Variants in SAMD4A observed in about 807,000 individuals in gnomAD.
SAMD4A encodes the protein protein Smaug homolog 1.
In SAMD4A, 33 loss-of-function variants were observed where a neutral mutation model predicts 81.3. The ratio of observed to expected loss-of-function variants is 0.41; its 90% CI spans 0.31 to 0.54. The LOEUF (loss-of-function observed/expected upper bound fraction) is 0.54. Among genes scored for constraint, SAMD4A ranks in the 20% least tolerant of loss-of-function variants. The pLI is 0.37. For synonymous variants in SAMD4A, 389 were observed against 382.1 expected, an observed-to-expected ratio of 1.02 and a Z score of -0.21; for missense variants, 854 against 951.1, an observed-to-expected ratio of 0.90 and a Z score of 1.34.
chr14:54,681,149 G>A (rs907236789), intron 2 of SAMD4A, among the ~76,000 whole-genome samples: 1 of 152,098 alleles, frequency 6.6e-6, no homozygotes, highest in Admixed American at 6.5e-5. Flanking sequence ...TGGGAACCAG[G>A]AGTAAGGCTG....
At chr14:54,690,890 G>T (rs1049759020) in intron 2 of SAMD4A, among the ~76,000 whole-genome samples, 10 of 152,182 alleles carry the variant, frequency 6.6e-5, no homozygotes, top group African/African-American at 2.4e-4. Flanking sequence ...AGAGTTGAGG[G>T]AGGGCAGACA....
At chr14:54,656,714 A>G (rs1298360027) in intron 2 of SAMD4A, among the ~76,000 whole-genome samples, 1 of 152,092 alleles carries the variant, frequency 6.6e-6, no homozygotes, top group Non-Finnish European at 1.5e-5. Flanking sequence ...TGCAAGCTCC[A>G]TCTCCTGGGT....
intron 8 of SAMD4A, among the ~76,000 whole-genome samples, chr14:54,769,625 G>T (rs185173057): frequency 9.2e-5 from 14 of 152,264 alleles, no homozygotes; most frequent in Admixed American, 7.2e-4. Context: ...CTGAAACACA[G>T]AGAATATAGT....
At position 54,702,524 on chromosome 14, in the gene SAMD4A, ACTC is replaced by A. The variant is rs766120385; in HGVS notation, c.666_668del (p.Ser224del). ...TGTGAGAATGGCCATGTGCCCCTCT[ACTC>A]CTCCTCATCTGTCCCCACCACAATC... On this transcript the variant is annotated inframe_deletion, in exon 3 of 13. Transcript: ENST00000554335. 8 of 1,613,676 alleles carry A rather than the reference ACTC, an allele frequency of 5.0e-6. No individual in the cohort carries two copies. Among genetic ancestry groups the A allele is most frequent in the Admixed American group, 1.7e-5 (1 of 59,968 alleles).
chr14:54,757,428 T>TGTGTGTGTG (rs1555351334), intron 6 of SAMD4A, among the ~76,000 whole-genome samples: 1 of 133,820 alleles, frequency 7.5e-6, no homozygotes, highest in African/African-American at 2.8e-5. Context: ...TGTGTGTGTG[T>TGTGTGTGTG]TTTGTTTTGT....
intron 7 of SAMD4A, among the ~76,000 whole-genome samples, chr14:54,762,294 C>T (rs2038420170): frequency 1.3e-5 from 2 of 152,198 alleles, no homozygotes; most frequent in South Asian, 4.1e-4. Context: ...CAGCACTTTT[C>T]CTTTGGAAGG....
chr14:54,670,974 C>T (rs1319272369), intron 2 of SAMD4A, among the ~76,000 whole-genome samples: 1 of 152,122 alleles, frequency 6.6e-6, no homozygotes, highest in Non-Finnish European at 1.5e-5. Context: ...TCCCCTCCTT[C>T]CACCGATAAA....
At chr14:54,684,611 C>CA (rs2036207753) in intron 2 of SAMD4A, among the ~76,000 whole-genome samples, 3 of 58,806 alleles carry the variant, frequency 5.1e-5, no homozygotes, top group African/African-American at 1.2e-4. Context: ...CAGACACCCC[C>CA]GCCCCCCCCC....
rs769209792 is a variant in SAMD4A, at chr14:54,737,060, G to T, written c.752G>T (p.Arg251Leu). The T allele has an allele frequency of 1.2e-6, 2 of 1,613,774 alleles. No individual in the cohort carries two copies. The highest frequency in any genetic ancestry group is 1.1e-5 in the South Asian group (1 of 91,070). Residue 251 changes from arginine (R) to leucine (L), a missense_variant, in exon 4 of 13, where the codon CGA becomes CTA. This residue lies in a region of SAMD4A where 387 missense variants were observed against 405.8 expected (regional missense o/e 0.95). Transcript: ENST00000554335. Reference protein sequence around the residue: ...SGQAHHSPLKRSVSLTPPMNV... With the variant: ...SGQAHHSPLKLSVSLTPPMNV... ...CAGGCACACCACAGCCCTTTGAAAC[G>T]ATCTGTGTCCCTTACCCCACCCATG...
intron 2 of SAMD4A, among the ~76,000 whole-genome samples, chr14:54,672,062 C>T (rs2035896077): frequency 8.3e-6 from 1 of 120,218 alleles, no homozygotes; most frequent in African/African-American, 3.2e-5. Context: ...GTCAGCCATT[C>T]TGCTTTGGAA....
chr14:54,614,811 T>C (rs1261372943), intron 2 of SAMD4A, among the ~76,000 whole-genome samples: 1 of 152,180 alleles, frequency 6.6e-6, no homozygotes, highest in East Asian at 1.9e-4. Flanking sequence ...ACCCACTGTT[T>C]TCTCCCGATT....
At position 54,672,225 on chromosome 14, in the gene SAMD4A, GT is replaced by G. The variant is rs112972392; in HGVS notation, c.197-29829del. Among the ~76,000 whole-genome samples, 843 of 150,904 alleles carry G rather than the reference GT, an allele frequency of 5.6e-3. 10 individuals carry two copies. The highest frequency in any genetic ancestry group is 0.02 in the African/African-American group (812 of 40,946). On this transcript the variant is annotated intron_variant, in intron 2 of 12. Transcript: ENST00000554335. ...CGGGCATATGCCACCACATCCAGCTGTTTTTTTTGTGTTTTTTTCCCTCTTT... is the reference window on the plus strand; with the variant it reads ...CGGGCATATGCCACCACATCCAGCTGTTTTTTTGTGTTTTTTTCCCTCTTT...
intron 6 of SAMD4A, among the ~76,000 whole-genome samples, chr14:54,754,371 C>T (rs930141193): frequency 1.3e-5 from 2 of 152,214 alleles, no homozygotes; most frequent in African/African-American, 4.8e-5. Context: ...GTGAGTTTAT[C>T]GAGTCTGACT....
chr14:54,634,741 CTGTCTGTCTGTCT>C (rs1452332954), intron 2 of SAMD4A, among the ~76,000 whole-genome samples: 2 of 151,206 alleles, frequency 1.3e-5, no homozygotes, highest in African/African-American at 4.9e-5. Flanking sequence ...GTCTGTCTGT[CTGTCTGTCTGTCT>C]GTCTGTCTAT....
chr14:54,774,091 C>T (rs982399961), intron 9 of SAMD4A, among the ~76,000 whole-genome samples: 1 of 152,210 alleles, frequency 6.6e-6, no homozygotes, highest in Non-Finnish European at 1.5e-5. Context: ...GACCTGTGTC[C>T]TCATCTGCAG....
At chr14:54,628,914 G>GT (rs916602149) in intron 2 of SAMD4A, among the ~76,000 whole-genome samples, 9 of 151,464 alleles carry the variant, frequency 5.9e-5, no homozygotes, top group Admixed American at 3.3e-4. Context: ...TGTAGTTTTG[G>GT]TTTTTTTTTA....
At chr14:54,603,529 G>A in intron 2 of SAMD4A, among the ~76,000 whole-genome samples, 1 of 152,114 alleles carries the variant, frequency 6.6e-6, no homozygotes, top group Non-Finnish European at 1.5e-5. Flanking sequence ...CATAGCTCTG[G>A]CTCCCACCAT....
intron 2 of SAMD4A, among the ~76,000 whole-genome samples, chr14:54,676,065 A>T (rs1397204986): frequency 2.0e-5 from 3 of 152,230 alleles, no homozygotes; most frequent in African/African-American, 7.2e-5. Flanking sequence ...CCAAAAAAAG[A>T]AAAAGCAAGG....
intron 3 of SAMD4A, among the ~76,000 whole-genome samples, chr14:54,720,267 C>T (rs2140856321): frequency 1.3e-5 from 2 of 152,216 alleles, no homozygotes; most frequent in East Asian, 1.9e-4. Flanking sequence ...GAAGATATCA[C>T]ATTTGATTTT....
Sources: gnomAD v4.1 joint callset for allele counts (sites outside exome capture counted in the v4.1 genomes callset) on GRCh38, gnomAD v4.1.1 for gene constraint, gnomAD v4.1.1 regional missense constraint, MANE v1.5 for transcripts, NCBI Gene and HGNC (gene_info 2026-07-23, HGNC 2026-07-21) for gene names.